The following PMPCB variants were observed in gnomAD, a reference collection of about 807,000 sequenced individuals.
PMPCB encodes the protein mitochondrial-processing peptidase subunit beta.
PMPCB carries 46 observed loss-of-function variants against 61.5 expected under a neutral mutation model. The ratio of observed to expected loss-of-function variants is 0.75; its 90% CI spans 0.59 to 0.96. PMPCB has a LOEUF of 0.96. PMPCB is among the 40% of genes least tolerant of loss of function. PMPCB has a pLI of 0.00. For missense variants in PMPCB, 590 were observed against 602.4 expected (o/e 0.98, Z 0.22); for synonymous variants, 191 against 201.6 (o/e 0.95, Z 0.44).
chr7:103,321,767 C>T (rs889983839), intron 12 of PMPCB, among the ~76,000 whole-genome samples: 3 of 152,156 alleles, frequency 2.0e-5, no homozygotes, highest in African/African-American at 4.8e-5. Flanking sequence ...GAGAATCGCT[C>T]GAACCCGGAG....
intron 4 of PMPCB, among the ~76,000 whole-genome samples, chr7:103,301,557 T>C (rs953978777): frequency 4.1e-4 from 62 of 152,164 alleles, no homozygotes; most frequent in African/African-American, 1.4e-3. Context: ...ACGACTTTTT[T>C]CCCCCTTTTC....
the PMPCB span, among the ~76,000 whole-genome samples, chr7:103,338,021 C>T: frequency 6.6e-6 from 1 of 152,142 alleles, no homozygotes; most frequent in African/African-American, 2.4e-5. Context: ...AATCCTAGCA[C>T]TTTGGGAGGC....
chr7:103,318,155 A>G (rs1267576362), downstream of PMPCB, among the ~76,000 whole-genome samples: 1 of 151,562 alleles, frequency 6.6e-6, no homozygotes, highest in African/African-American at 2.4e-5. Flanking sequence ...CCATTTCCCC[A>G]TAACATTTTT....
chr7:103,316,934 C>A (rs776114907), downstream of PMPCB: 1 of 1,614,076 alleles, frequency 6.2e-7, no homozygotes, highest in Admixed American at 1.7e-5. Context: ...CAGTTGATTT[C>A]TCTGTGTTCT....
chr7:103,302,123 C>T (rs1817468001), intron 4 of PMPCB, among the ~76,000 whole-genome samples: 1 of 152,178 alleles, frequency 6.6e-6, no homozygotes, highest in Non-Finnish European at 1.5e-5. Context: ...CTACAAAGGA[C>T]ATGAACTCAT....
In PMPCB at chr7:103,326,454, C is replaced by CT. The variant is rs760199338; in HGVS notation, c.*1432-2476dup. On this transcript the variant is annotated intron_variant and NMD_transcript_variant, in intron 12 of 12. Coordinates refer to the PMPCB transcript ENST00000444457. Reference sequence around the variant, plus strand: ...CAGTGGAAATAATCTATAAATGAAACTATTATCAGAGGGAAAGAGCAGAAA... The same window carrying CT: ...CAGTGGAAATAATCTATAAATGAAACTTATTATCAGAGGGAAAGAGCAGAAA... 60 of 1,292,204 alleles carry CT rather than the reference C, an allele frequency of 4.6e-5. No individual in the cohort carries two copies. The Middle Eastern group carries it at 9.2e-4, about 20-fold the overall frequency. The allele number at this position is 1,292,204 out of a possible 1,614,324, so 80.0% of individuals were successfully genotyped here. A position where few individuals can be genotyped will look rare whatever the true frequency, so the allele number is the denominator to read the frequency against.
chr7:103,339,978 A>G, the PMPCB span, among the ~76,000 whole-genome samples: 1 of 152,194 alleles, frequency 6.6e-6, no homozygotes. Flanking sequence ...AGCTGCGATT[A>G]CAGGCATGTG....
chr7:103,312,871 T>G lies in PMPCB; in HGVS notation c.*600T>G. The G allele has an allele frequency of 6.4e-7, 1 of 1,551,632 alleles. No homozygotes were observed. Among genetic ancestry groups the G allele is most frequent in the Non-Finnish European group, 8.7e-7 (1 of 1,155,614 alleles). The stretch of plus-strand genomic sequence containing the variant: ...AAGCACTATATTATTAACCACTTAA[T>G]AGACATAAAATATGAGCTATATCAC... On this transcript the variant is annotated 3_prime_UTR_variant, in exon 13 of 13. Coordinates refer to ENST00000249269, the MANE Select transcript of PMPCB (RefSeq NM_004279.3).
In PMPCB at chr7:103,300,230, G is replaced by T. The variant is rs377051379; in HGVS notation, c.380G>T (p.Gly127Val). The change falls in exon 4 of 13, where the codon GGT (glycine) becomes GTT (valine). Residue 127 changes from glycine (G) to valine (V), a missense_variant. Coordinates refer to ENST00000249269, the MANE Select transcript of PMPCB (RefSeq NM_004279.3). ...CTGGAACTTGAGATTGAAAATATGG[G>T]TGCTCATCTCAATGCCTATACCTCC... is the stretch of plus-strand genomic sequence containing the variant. ...LDLELEIENMGAHLNAYTSRE... is the reference protein window; with the variant it reads ...LDLELEIENMVAHLNAYTSRE... The T allele has an allele frequency of 6.2e-7, 1 of 1,611,266 alleles. No individual in the cohort carries two copies. The highest frequency in any genetic ancestry group is 8.5e-7 in the Non-Finnish European group (1 of 1,177,574).
intron 9 of PMPCB, chr7:103,311,405 A>G (rs951013201): frequency 1.3e-5 from 7 of 531,242 alleles, no homozygotes; most frequent in Non-Finnish European, 2.0e-5. Context: ...CATTTCTGAA[A>G]ATGTGATCAG....
intron 4 of PMPCB, among the ~76,000 whole-genome samples, chr7:103,300,785 A>G (rs183383130): frequency 1.2e-4 from 19 of 152,194 alleles, no homozygotes; most frequent in African/African-American, 4.6e-4. Flanking sequence ...CCTGGGTTCA[A>G]GTGATTCTCC....
chr7:103,316,538 C>G (rs1203142038), downstream of PMPCB: 5 of 308,154 alleles, frequency 1.6e-5, no homozygotes, highest in East Asian at 3.0e-4. Flanking sequence ...TACAGAAAAC[C>G]TAATCCCTAG....
At chr7:103,318,799 T>C (rs2115823572), downstream of PMPCB, among the ~76,000 whole-genome samples, 1 of 152,330 alleles carries the variant, frequency 6.6e-6, no homozygotes, top group Non-Finnish European at 1.5e-5. Flanking sequence ...TCAAAACAAT[T>C]ATTTTTTTCT....
downstream of PMPCB, chr7:103,315,892 A>G (rs1286066758): frequency 1.9e-6 from 3 of 1,571,078 alleles, no homozygotes; most frequent in Non-Finnish European, 2.6e-6. Flanking sequence ...AAAAAAATTT[A>G]ATACTTAACA....
In PMPCB at chr7:103,300,323, A is replaced by G. The variant is rs1817415516; in HGVS notation, c.457+16A>G. 1 of 1,560,404 alleles carries G rather than the reference A, an allele frequency of 6.4e-7. No homozygotes were observed. The highest frequency in any genetic ancestry group is 8.7e-7 in the Non-Finnish European group (1 of 1,150,082). On this transcript the variant is annotated intron_variant, in intron 4 of 12. Coordinates refer to ENST00000249269, the MANE Select transcript of PMPCB (RefSeq NM_004279.3). ...TTGCCAAGAGGTACTGTTATTATTT[A>G]TACAGCAGATAATGTAATTTTCATG...
downstream of PMPCB, among the ~76,000 whole-genome samples, chr7:103,317,578 T>C (rs2115806121): frequency 6.6e-6 from 1 of 152,340 alleles, no homozygotes; most frequent in African/African-American, 2.4e-5. Context: ...TTAGAACCAG[T>C]AAAGTCCCAA....
intron 12 of PMPCB, chr7:103,322,544 T>C (rs1253502285): frequency 6.4e-7 from 1 of 1,555,618 alleles, no homozygotes; most frequent in Admixed American, 1.8e-5. Context: ...TCCGTTTAGC[T>C]TCTGCTTTTG....
rs747301944 is a variant in PMPCB, at chr7:103,313,018, G to A, written c.*747G>A. On this transcript the variant is annotated 3_prime_UTR_variant, in exon 13 of 13. Transcript: ENST00000249269. Reference sequence around the variant, plus strand: ...TCTGCTATTTTTTCCCATCTTTCAGGTGTATTTACTGGGTATGTTTTCAAA... The same window carrying A: ...TCTGCTATTTTTTCCCATCTTTCAGATGTATTTACTGGGTATGTTTTCAAA... 1.2e-6 allele frequency: 2 copies of A among 1,613,904 alleles called. No individual in the cohort carries two copies. The highest frequency in any genetic ancestry group is 1.1e-5 in the South Asian group (1 of 91,068).
At position 103,302,874 on chromosome 7, in the gene PMPCB, C is replaced by G. The variant is rs576052625; in HGVS notation, c.458-968C>G. On this transcript the variant is annotated intron_variant, in intron 4 of 12. Transcript: ENST00000249269. Reference sequence around the variant, plus strand: ...TGGGCAGCATAATGAGACCTTGTCTCTTAGGGGAAAAAAAAGAAACTTAAG... The same window carrying G: ...TGGGCAGCATAATGAGACCTTGTCTGTTAGGGGAAAAAAAAGAAACTTAAG... Among the ~76,000 whole-genome samples the G allele has an allele frequency of 4.6e-5, 7 of 151,626 alleles. No homozygotes were observed. In the South Asian group the frequency reaches 1.5e-3, roughly 32 times the overall value.
Sources: gnomAD v4.1 joint callset for allele counts (sites outside exome capture counted in the v4.1 genomes callset) on GRCh38, gnomAD v4.1.1 for gene constraint, MANE v1.5 for transcripts, NCBI Gene and HGNC (gene_info 2026-07-23, HGNC 2026-07-21) for gene names.